The following ASXL2 variants were observed in gnomAD, a reference collection of about 807,000 sequenced individuals.
ASXL2 encodes the protein ASXL transcriptional regulator 2.
ASXL2 carries 23 observed loss-of-function variants against 122.0 expected under a neutral mutation model. The ratio of observed to expected loss-of-function variants is 0.19; its 90% confidence interval spans 0.14 to 0.27. The LOEUF is 0.27. Among genes scored for constraint, ASXL2 ranks in the 10% least tolerant of loss-of-function variants. The pLI is 1.00. For synonymous variants in ASXL2, 650 were observed against 637.0 expected (o/e 1.02, Z -0.31); for missense variants, 1,518 against 1,713.8 (o/e 0.89, Z 2.02).
chr2:25,768,659 G>A, intron 7 of ASXL2, 83 bp downstream of exon 7: 1 of 1,416,790 alleles, frequency 7.1e-7, no homozygotes, highest in Non-Finnish European at 9.7e-7. Flanking sequence ...AAAAATAAAT[G>A]ATGTCATAAA....
At chr2:25,776,890 G>A (rs1456811076) in intron 5 of ASXL2, among the ~76,000 whole-genome samples, 1 of 152,084 alleles carries the variant, frequency 6.6e-6, no homozygotes, top group Admixed American at 6.5e-5. Flanking sequence ...AAAGCTATCT[G>A]CAATTACCAG....
chr2:25,871,626 T>C (rs558178442), intron 1 of ASXL2, among the ~76,000 whole-genome samples: 1 of 152,050 alleles, frequency 6.6e-6, no homozygotes, highest in African/African-American at 2.4e-5. Context: ...AGTTTCACTC[T>C]TGTTGCCCAG....
chr2:25,801,910 T>G (rs1255136599), intron 4 of ASXL2, among the ~76,000 whole-genome samples: 1 of 152,244 alleles, frequency 6.6e-6, no homozygotes, highest in African/African-American at 2.4e-5. Context: ...CTGAAAAACC[T>G]GTGACATCTA....
intron 8 of ASXL2, among the ~76,000 whole-genome samples, chr2:25,764,426 A>G (rs1453986096): frequency 6.6e-5 from 10 of 152,374 alleles, no homozygotes; most frequent in African/African-American, 2.2e-4. Flanking sequence ...CTAATGAGCT[A>G]TAACAAAAAG....
At chr2:25,824,416 G>T (rs918270429) in intron 3 of ASXL2, among the ~76,000 whole-genome samples, 3 of 152,006 alleles carry the variant, frequency 2.0e-5, no homozygotes, top group African/African-American at 7.2e-5. Context: ...ACATTTTAAT[G>T]TAAAAATAAC....
At chr2:25,770,497 G>C (rs2088429359) in intron 6 of ASXL2, among the ~76,000 whole-genome samples, 1 of 152,194 alleles carries the variant, frequency 6.6e-6, no homozygotes, top group Non-Finnish European at 1.5e-5. Context: ...GCTCACGCCT[G>C]TAATCTCAGC....
intron 3 of ASXL2, among the ~76,000 whole-genome samples, chr2:25,824,930 C>T (rs559019638): frequency 6.6e-6 from 1 of 152,234 alleles, no homozygotes; most frequent in Non-Finnish European, 1.5e-5. Context: ...TATACATGGC[C>T]CATCAACTTT....
In ASXL2 at chr2:25,756,022, T is replaced by G; in HGVS notation, c.1032A>C (p.Ser344=). The stretch of plus-strand genomic sequence containing the variant: ...CACATTAAGTAGAGCACTTACCTTC[T>G]GAGAGTCTTTCCTTCCAGCCTTGGG... ...SAAQGWKERL[S]EGEFTPEMQV... The change falls in exon 10 of 13, where the codon TCA becomes TCC. Residue 344 remains serine (S), a synonymous_variant. Transcript: ENST00000435504. The G allele has an allele frequency of 1.9e-6, 3 of 1,612,804 alleles. No individual in the cohort carries two copies. The highest frequency in any genetic ancestry group is 2.5e-6 in the Non-Finnish European group (3 of 1,178,868).
intron 3 of ASXL2, among the ~76,000 whole-genome samples, chr2:25,833,457 G>C (rs929485911): frequency 8.5e-5 from 13 of 152,282 alleles, no homozygotes; most frequent in African/African-American, 2.2e-4. Context: ...CACTTTGGAA[G>C]GCTGAGGTGG....
rs183675291 is a variant in ASXL2, at chr2:25,754,348, G to A, written c.1037-709C>T. On this transcript the variant is annotated intron_variant, in intron 10 of 12. Transcript: ENST00000435504. ...CATCTTCAAACTTGTGGCTCAGATA[G>A]ACTGCTCTCTTTTATACTCTAATAC... 4.7e-4 allele frequency among the ~76,000 whole-genome samples: 72 copies of A among 152,300 alleles called. 1 individual carries two copies. Among genetic ancestry groups the A allele is most frequent in the Admixed American group, 4.6e-3 (71 of 15,304 alleles).
chr2:25,849,701 G>A (rs1251669090), intron 1 of ASXL2, among the ~76,000 whole-genome samples: 2 of 151,794 alleles, frequency 1.3e-5, no homozygotes, highest in African/African-American at 4.8e-5. Context: ...GTCTCGAACT[G>A]CTGGGTTTTT....
chr2:25,753,504 T>A, intron 11 of ASXL2, 30 bp downstream of exon 11: 1 of 1,548,430 alleles, frequency 6.5e-7, no homozygotes, highest in Non-Finnish European at 8.9e-7. Context: ...GGAATTAACA[T>A]TTGGTTTATA....
chr2:25,770,655 T>C (rs1321858529), intron 6 of ASXL2, among the ~76,000 whole-genome samples: 1 of 152,002 alleles, frequency 6.6e-6, no homozygotes, highest in African/African-American at 2.4e-5. Context: ...CTTGGAAGGC[T>C]GAGGCAGGAG....
At chr2:25,765,497 A>G (rs913167348) in intron 8 of ASXL2, among the ~76,000 whole-genome samples, 2 of 152,248 alleles carry the variant, frequency 1.3e-5, no homozygotes, top group Non-Finnish European at 2.9e-5. Flanking sequence ...AAAGAAAAAA[A>G]AAAAGAAAAT....
chr2:25,841,289 C>T (rs956875272), intron 2 of ASXL2, among the ~76,000 whole-genome samples: 1 of 152,086 alleles, frequency 6.6e-6, no homozygotes, highest in Non-Finnish European at 1.5e-5. Context: ...GAGTGAGACC[C>T]TGCCTCAGAG....
chr2:25,866,310 T>C (rs1457880923), intron 1 of ASXL2, among the ~76,000 whole-genome samples: 5 of 152,020 alleles, frequency 3.3e-5, no homozygotes, highest in South Asian at 2.1e-4. Context: ...TTTGTATTTT[T>C]AGTAGAGACA....
chr2:25,786,553 A>G (rs1351110153), intron 5 of ASXL2, among the ~76,000 whole-genome samples: 1 of 152,146 alleles, frequency 6.6e-6, no homozygotes, highest in Admixed American at 6.5e-5. Flanking sequence ...TCATTCTTAA[A>G]ACATTATAAT....
At chr2:25,758,638 T>A (rs1036863520) in intron 9 of ASXL2, among the ~76,000 whole-genome samples, 1 of 152,036 alleles carries the variant, frequency 6.6e-6, no homozygotes, top group African/African-American at 2.4e-5. Context: ...GGTCCCTGCC[T>A]TGACGCTTGC....
intron 12 of ASXL2, among the ~76,000 whole-genome samples, chr2:25,745,124 G>T (rs992018762): frequency 6.6e-6 from 1 of 151,962 alleles, no homozygotes; most frequent in Non-Finnish European, 1.5e-5. Context: ...TCTCTGGCTG[G>T]TATTATATTT....
Sources: gnomAD v4.1 joint callset for allele counts (sites outside exome capture counted in the v4.1 genomes callset) on GRCh38, gnomAD v4.1.1 for gene constraint, MANE v1.5 for transcripts, NCBI Gene and HGNC (gene_info 2026-07-23, HGNC 2026-07-21) for gene names.